The following RAB28 variants were observed in gnomAD, a reference collection of about 807,000 sequenced individuals.
RAB28 encodes ras-related protein Rab-28.
A neutral mutation model predicts 31.7 loss-of-function variants in RAB28; 24 were observed. The ratio of observed to expected loss-of-function variants is 0.76; its 90% CI spans 0.55 to 1.06. The LOEUF is 1.06. Among genes scored for constraint, RAB28 ranks in the 50% least tolerant of loss-of-function variants. The pLI, the probability that RAB28 is intolerant of heterozygous loss-of-function variation, is 0.00. For missense variants in RAB28, 254 were observed against 258.5 expected (o/e 0.98, Z 0.12); for synonymous variants, 100 against 90.4 (o/e 1.11, Z -0.60).
At chr4:13,381,641 C>T (rs778434033) in intron 4 of RAB28, 47 bp from the exon 5 acceptor site, 2 of 1,390,444 alleles carry the variant, frequency 1.4e-6, no homozygotes, top group Non-Finnish European at 2.0e-6. Context: ...TAGAGTCTAT[C>T]AAAACGTTTT....
chr4:13,385,168 G>A (rs1195244714), intron 4 of RAB28, among the ~76,000 whole-genome samples: 1 of 152,150 alleles, frequency 6.6e-6, no homozygotes, highest in Non-Finnish European at 1.5e-5. Context: ...GAATGAAAAG[G>A]AATGAACAAA....
intron 4 of RAB28, among the ~76,000 whole-genome samples, chr4:13,408,419 T>C (rs901517232): frequency 2.0e-5 from 3 of 152,166 alleles, no homozygotes; most frequent in African/African-American, 7.2e-5. Context: ...TTTGCCAGTA[T>C]CTTATCGAGG....
intron 4 of RAB28, among the ~76,000 whole-genome samples, chr4:13,388,485 G>A (rs114353486): frequency 0.02 from 3,110 of 151,962 alleles, 112 homozygotes; most frequent in African/African-American, 0.071. Context: ...ACATGACACC[G>A]AATGCAGAGA....
At chr4:13,475,586 A>T (rs930033743) in intron 2 of RAB28, among the ~76,000 whole-genome samples, 1 of 151,540 alleles carries the variant, frequency 6.6e-6, no homozygotes, top group Non-Finnish European at 1.5e-5. Flanking sequence ...TTGTATTACA[A>T]TCTTTCCATT....
chr4:13,466,808 A>G (rs535260156), intron 3 of RAB28, among the ~76,000 whole-genome samples: 1 of 152,118 alleles, frequency 6.6e-6, no homozygotes, highest in East Asian at 1.9e-4. Flanking sequence ...TGAATGGATA[A>G]AGAAAATGAT....
rs539741855 is a variant in RAB28, at chr4:13,423,269, C to G, written c.391+37430G>C. On this transcript the variant is annotated intron_variant, in intron 4 of 6. Transcript: ENST00000330852. ...AAAGGTGAGAGGCCAGGCGCAGTGG[C>G]TCACGGCTGTAATCCCAACACTTTA... 1.4e-3 allele frequency among the ~76,000 whole-genome samples: 212 copies of G among 152,272 alleles called. 3 individuals are homozygous for G. Among genetic ancestry groups the G allele is most frequent in the Non-Finnish European group, 3.5e-4 (24 of 68,026 alleles).
rs1303220575 is a variant in RAB28, at chr4:13,466,436, G to A, written c.262-5608C>T. On this transcript the variant is annotated intron_variant, in intron 3 of 6. Transcript: ENST00000330852. ...TTACTCAGAAGACAAATGGCTAACA[G>A]ATATATTTTTTAAATGCTGAACATC... Among the ~76,000 whole-genome samples the A allele has an allele frequency of 4.0e-5, 6 of 149,698 alleles. 2 individuals are homozygous for A. The South Asian group carries it at 1.2e-3, about 31-fold the overall frequency.
chr4:13,379,569 T>C (rs1729051179), intron 5 of RAB28, among the ~76,000 whole-genome samples: 1 of 152,146 alleles, frequency 6.6e-6, no homozygotes, highest in Non-Finnish European at 1.5e-5. Flanking sequence ...GCAAAGGTGT[T>C]AGGATCAATG....
chr4:13,373,878 A>G (rs1261543601), intron 6 of RAB28, among the ~76,000 whole-genome samples: 1 of 152,056 alleles, frequency 6.6e-6, no homozygotes, highest in Non-Finnish European at 1.5e-5. Context: ...CATTCCCTTG[A>G]ATCCCCCCAG....
chr4:13,459,937 C>T lies in RAB28; in HGVS notation c.391+762G>A, dbSNP rs573113790. 4.1e-4 allele frequency: 524 copies of T among 1,281,318 alleles called. 2 individuals are homozygous for T. The highest frequency in any genetic ancestry group is 2.3e-3 in the African/African-American group (151 of 65,746). The allele number at this position is 1,281,318 out of a possible 1,614,324, so 79.4% of individuals were successfully genotyped here. On this transcript the variant is annotated intron_variant, in intron 4 of 6. Coordinates refer to ENST00000330852, the MANE Select transcript of RAB28 (RefSeq NM_001017979.3). ...GCTGCTTTCCTAGACCACAGGAAGC[C>T]AAAACACACACTGTCAGAACTAAAC...
chr4:13,377,701 T>C (rs1728974398), intron 5 of RAB28, among the ~76,000 whole-genome samples: 1 of 152,198 alleles, frequency 6.6e-6, no homozygotes, highest in Non-Finnish European at 1.5e-5. Context: ...GTATTGAACA[T>C]TCACTATAGG....
At chr4:13,422,762 C>T (rs146055736) in intron 4 of RAB28, among the ~76,000 whole-genome samples, 2,088 of 141,212 alleles carry the variant, frequency 0.015, 24 homozygotes, top group Middle Eastern at 0.048. Context: ...GGATGGGGGA[C>T]GGGGGAGGGA....
intron 4 of RAB28, among the ~76,000 whole-genome samples, chr4:13,399,720 T>C (rs1049213217): frequency 6.6e-6 from 1 of 152,222 alleles, no homozygotes; most frequent in Admixed American, 6.5e-5. Context: ...TTCCATGAAA[T>C]TTCTATTTAT....
intron 6 of RAB28, chr4:13,371,803 T>C (rs879388481): frequency 6.5e-7 from 1 of 1,547,430 alleles, no homozygotes; most frequent in Non-Finnish European, 8.7e-7. Context: ...ACCTTTATTT[T>C]TAGAGCCACA....
At chr4:13,484,019 C>A in intron 1 of RAB28, 57 bp downstream of exon 1, 1 of 1,494,562 alleles carries the variant, frequency 6.7e-7, no homozygotes, top group Non-Finnish European at 9.1e-7. Context: ...GGGGAGGAGG[C>A]CGGGGACCGC....
intron 5 of RAB28, among the ~76,000 whole-genome samples, chr4:13,377,263 G>A (rs1728957813): frequency 6.6e-6 from 1 of 152,170 alleles, no homozygotes; most frequent in Non-Finnish European, 1.5e-5. Context: ...TGTCAGGTCT[G>A]CTGTAATTAC....
At chr4:13,438,804 A>G (rs1416680133) in intron 4 of RAB28, among the ~76,000 whole-genome samples, 2 of 150,206 alleles carry the variant, frequency 1.3e-5, no homozygotes, top group East Asian at 3.8e-4. Flanking sequence ...CTGTTAGGTC[A>G]TAAGGTAACT....
At chr4:13,470,654 A>C (rs556946047) in intron 3 of RAB28, among the ~76,000 whole-genome samples, 1 of 152,212 alleles carries the variant, frequency 6.6e-6, no homozygotes, top group South Asian at 2.1e-4. Context: ...TCTGTTAGCC[A>C]CAGGTTACAG....
At chr4:13,481,978 A>C (rs139817197) in intron 1 of RAB28, among the ~76,000 whole-genome samples, 1 of 152,314 alleles carries the variant, frequency 6.6e-6, no homozygotes, top group Non-Finnish European at 1.5e-5. Context: ...GGTATGGAGA[A>C]AAAAATTCTT....
Sources: gnomAD v4.1 joint callset for allele counts (sites outside exome capture counted in the v4.1 genomes callset) on GRCh38, gnomAD v4.1.1 for gene constraint, MANE v1.5 for transcripts, NCBI Gene and HGNC (gene_info 2026-07-23, HGNC 2026-07-21) for gene names.